COL12A1: variants seen among roughly 807,000 people sequenced by gnomAD.
COL12A1 encodes collagen alpha-1(XII) chain.
In COL12A1, 114 loss-of-function variants were observed where a neutral mutation model predicts 349.7. The observed-to-expected ratio is 0.33, with a 90% CI of 0.28 to 0.38. The LOEUF is 0.38. Ranked by LOEUF, COL12A1 falls within the 10% of genes least tolerant of loss-of-function variation. COL12A1 has a pLI of 1.00. For synonymous variants in COL12A1, 1,369 were observed against 1,329.0 expected, an observed-to-expected ratio of 1.03 and a Z score of -0.66; for missense variants, 3,284 against 3,756.9, an observed-to-expected ratio of 0.87 and a Z score of 3.29.
intron 49 of COL12A1, among the ~76,000 whole-genome samples, chr6:75,115,177 T>C (rs1440965688): frequency 1.3e-5 from 2 of 152,306 alleles, no homozygotes; most frequent in East Asian, 3.9e-4. Flanking sequence ...AATTTCTCAT[T>C]GTTCTTTTCT....
intron 31 of COL12A1, 114 bp downstream of exon 31, chr6:75,137,323 A>C: frequency 1.0e-6 from 1 of 1,001,012 alleles, no homozygotes; most frequent in Non-Finnish European, 1.4e-6. Context: ...CCAATGCGAT[A>C]AATCTTAATA....
At chr6:75,177,153 A>G (rs1392215481) in intron 12 of COL12A1, among the ~76,000 whole-genome samples, 1 of 152,150 alleles carries the variant, frequency 6.6e-6, no homozygotes, top group Non-Finnish European at 1.5e-5. Context: ...CTATTGACAC[A>G]AGGCCGGGCG....
chr6:75,147,164 T>C (rs1399140986), intron 23 of COL12A1, among the ~76,000 whole-genome samples: 1 of 152,242 alleles, frequency 6.6e-6, no homozygotes, highest in African/African-American at 2.4e-5. Flanking sequence ...AAGATCTCAC[T>C]GGCAGCCGGG....
In COL12A1 at chr6:75,088,827, C is replaced by T. The variant is rs149192204; in HGVS notation, c.9010+279G>A. ...CATCCTGGCTAACACGGCAAAACCC[C>T]GTCTCTACTAAAAATTAAAAAAAAT... On this transcript the variant is annotated intron_variant, in intron 64 of 65. Transcript: ENST00000322507. Among the ~76,000 whole-genome samples the T allele has an allele frequency of 6.5e-4, 98 of 151,786 alleles. 1 individual carries two copies. In the East Asian group the frequency reaches 0.016, roughly 25 times the overall value.
rs1341266694 is a variant in COL12A1, at chr6:75,177,776, C to T, written c.2324G>A (p.Arg775Lys). 9.3e-6 allele frequency: 15 copies of T among 1,613,926 alleles called. No homozygotes were observed. The highest frequency in any genetic ancestry group is 1.3e-5 in the Non-Finnish European group (15 of 1,180,034). The change falls in exon 12 of 66, where the codon AGG (arginine) becomes AAG (lysine). Residue 775 changes from arginine to lysine, a missense_variant. Arg to Lys is a conservative substitution (Grantham distance 26). Transcript: ENST00000322507. ...SREVTTPPNQ[R>K]RRTLENLIPD... is the part of the protein sequence containing the mutation. ...AATCAAGTTCTCCAGTGTTCTCCTCCTCTGATTGGGTGGGGTGGTAACTTC... is the reference window on the plus strand; with the variant it reads ...AATCAAGTTCTCCAGTGTTCTCCTCTTCTGATTGGGTGGGGTGGTAACTTC...
chr6:75,191,126 C>T (rs1303523743), intron 5 of COL12A1, among the ~76,000 whole-genome samples: 2 of 151,902 alleles, frequency 1.3e-5, no homozygotes, highest in Non-Finnish European at 2.9e-5. Flanking sequence ...AATAAAATTG[C>T]TTTCATCTGA....
chr6:75,134,298 G>A (rs555626277), intron 32 of COL12A1, among the ~76,000 whole-genome samples: 6 of 152,246 alleles, frequency 3.9e-5, no homozygotes, highest in African/African-American at 7.2e-5. Context: ...GGCCAGGCAC[G>A]GTGGATCATG....
Position 75,143,401 on chromosome 6 carries a change from G to C in COL12A1, c.4691-13C>G. 1 of 1,611,088 alleles carries C rather than the reference G, an allele frequency of 6.2e-7. No individual in the cohort carries two copies. The highest frequency in any genetic ancestry group is 8.5e-7 in the Non-Finnish European group (1 of 1,179,276). ...CTGGGTAAAGGCACTAGAGAAGCACGAGATATTAAATCCAGATGTGCTTCT... is the reference window on the plus strand; with the variant it reads ...CTGGGTAAAGGCACTAGAGAAGCACCAGATATTAAATCCAGATGTGCTTCT... On this transcript the variant is annotated splice_polypyrimidine_tract_variant and intron_variant, in intron 25 of 65. Coordinates refer to ENST00000322507, the MANE Select transcript of COL12A1 (RefSeq NM_004370.6).
intron 10 of COL12A1, among the ~76,000 whole-genome samples, chr6:75,182,112 G>GAA (rs1174493948): frequency 7.5e-6 from 1 of 132,692 alleles, no homozygotes; most frequent in South Asian, 2.4e-4. Flanking sequence ...AAAAAAAAAA[G>GAA]AAAAAAAAAC....
intron 25 of COL12A1, 152 bp from the exon 26 acceptor site, chr6:75,143,540 G>T: frequency 1.3e-6 from 1 of 761,426 alleles, no homozygotes; most frequent in Non-Finnish European, 2.0e-6. Flanking sequence ...AAAGTACCAT[G>T]ATTCTACCAG....
In COL12A1 at chr6:75,095,131, T is replaced by C; in HGVS notation, c.8626A>G (p.Lys2876Glu). Residue 2876 changes from lysine to glutamate, a missense_variant, in exon 60 of 66, where the codon AAA becomes GAA. Lys to Glu is a moderately conservative substitution (Grantham distance 56). This residue lies in a region of COL12A1 where 683 missense variants were observed against 932.1 expected (regional missense o/e 0.73). Coordinates refer to ENST00000322507, the MANE Select transcript of COL12A1 (RefSeq NM_004370.6). ...ACTGGTCTGCCATGATCTCCAGGTT[T>C]TCCTGGCTTCCCACTTGGTCCTGTG... ...GVTGPSGKPG[K>E]PGDHGRPGPS... 2 of 1,614,160 alleles carry C rather than the reference T, an allele frequency of 1.2e-6. No individual in the cohort carries two copies. Among genetic ancestry groups the C allele is most frequent in the Non-Finnish European group, 1.7e-6 (2 of 1,180,018 alleles).
In COL12A1 at chr6:75,130,041, C is replaced by G. The variant is rs546690183; in HGVS notation, c.6210+50G>C. ...CTCTAAAGAAGTTTAACTTCACTGTCCATTCAGCTAAGATGATAAAATGTG... is the reference window on the plus strand; with the variant it reads ...CTCTAAAGAAGTTTAACTTCACTGTGCATTCAGCTAAGATGATAAAATGTG... On this transcript the variant is annotated intron_variant, in intron 37 of 65. Coordinates refer to ENST00000322507, the MANE Select transcript of COL12A1 (RefSeq NM_004370.6). 1.1e-4 allele frequency: 174 copies of G among 1,596,918 alleles called. 1 individual carries two copies. The South Asian group carries it at 1.9e-3, about 17-fold the overall frequency.
intron 10 of COL12A1, 151 bp downstream of exon 10, chr6:75,182,899 T>G: frequency 1.0e-6 from 1 of 966,810 alleles, no homozygotes; most frequent in East Asian, 2.5e-5. Flanking sequence ...ATCTCAGAGC[T>G]AAGAAAACTA....
intron 26 of COL12A1, among the ~76,000 whole-genome samples, chr6:75,142,431 T>G (rs1378034391): frequency 2.0e-5 from 3 of 152,222 alleles, no homozygotes; most frequent in Admixed American, 6.5e-5. Flanking sequence ...TTTTTCCACC[T>G]GTTTCCCTTT....
chr6:75,130,300 G>T (rs1166196940), intron 36 of COL12A1, 67 bp from the exon 37 acceptor site: 7 of 1,519,292 alleles, frequency 4.6e-6, no homozygotes, highest in Non-Finnish European at 6.2e-6. Context: ...AGATTAAGGA[G>T]GTTGCTTGCA....
rs762693679 is a variant in COL12A1, at chr6:75,152,436, C to A, written c.3612G>T (p.Val1204=). 1.2e-6 allele frequency: 2 copies of A among 1,613,628 alleles called. No individual in the cohort carries two copies. The highest frequency in any genetic ancestry group is 4.5e-5 in the East Asian group (2 of 44,870). ...TRAEADIVLL[V]DGSWSIGRAN... Reference sequence around the variant, plus strand: ...CCCGGCCGATGCTCCATGATCCATCCACCAGCAACACAATGTCTGCCTCAG... The same window carrying A: ...CCCGGCCGATGCTCCATGATCCATCAACCAGCAACACAATGTCTGCCTCAG... Residue 1204 remains valine (V), a synonymous_variant, in exon 18 of 66, where the codon GTG becomes GTT. Coordinates refer to ENST00000322507, the MANE Select transcript of COL12A1 (RefSeq NM_004370.6).
chr6:75,121,311 A>G lies in COL12A1; in HGVS notation c.7077T>C (p.Ala2359=). Residue 2359 remains alanine (A), a synonymous_variant, in exon 44 of 66, where the codon GCT becomes GCC. Coordinates refer to ENST00000322507, the MANE Select transcript of COL12A1 (RefSeq NM_004370.6). ...GCGGAATGACACTAACCTGAATCCC[A>G]GCAGGACTGATTTCATCAAAGCCTC... ...TVGGFDEISP[A]GIQVSFVQYS... 6.2e-7 allele frequency: 1 copy of G among 1,605,670 alleles called. No homozygotes were observed. The highest frequency in any genetic ancestry group is 8.5e-7 in the Non-Finnish European group (1 of 1,173,862).
intron 38 of COL12A1, among the ~76,000 whole-genome samples, chr6:75,126,689 A>G (rs980592180): frequency 3.9e-5 from 6 of 152,134 alleles, no homozygotes; most frequent in African/African-American, 1.4e-4. Flanking sequence ...AGAACTAGTG[A>G]TTTCCAGAGC....
chr6:75,145,586 A>T (rs1470480461), intron 24 of COL12A1, 131 bp from the exon 25 acceptor site: 6 of 813,464 alleles, frequency 7.4e-6, no homozygotes, highest in South Asian at 4.0e-5. Context: ...ATAAGATTAC[A>T]TCTCCTTTTC....
Sources: gnomAD v4.1 joint callset for allele counts (sites outside exome capture counted in the v4.1 genomes callset) on GRCh38, gnomAD v4.1.1 for gene constraint, gnomAD v4.1.1 regional missense constraint, MANE v1.5 for transcripts, NCBI Gene and HGNC (gene_info 2026-07-23, HGNC 2026-07-21) for gene names.